Variants in MAP2K5 observed in about 807,000 individuals in gnomAD.
The protein encoded by MAP2K5 is dual specificity mitogen-activated protein kinase kinase 5.
MAP2K5 carries 49 observed loss-of-function variants against 83.1 expected under a neutral mutation model. The observed-to-expected ratio is 0.59, with a 90% CI of 0.47 to 0.75. The LOEUF is 0.75. Ranked by LOEUF, MAP2K5 falls within the 30% of genes least tolerant of loss-of-function variation. The probability of loss-of-function intolerance (pLI) is 0.00; values close to 1 mark genes in which losing one functional copy is unlikely to be tolerated. For synonymous variants in MAP2K5, 202 were observed against 191.8 expected, an observed-to-expected ratio of 1.05 and a Z score of -0.44; for missense variants, 457 against 557.5, an observed-to-expected ratio of 0.82 and a Z score of 1.82.
intron 21 of MAP2K5, among the ~76,000 whole-genome samples, chr15:67,787,345 G>A (rs1291229084): frequency 1.3e-5 from 2 of 152,180 alleles, no homozygotes; most frequent in Non-Finnish European, 2.9e-5. Flanking sequence ...TCTTTTCTGT[G>A]TCCTTTCTGT....
intron 8 of MAP2K5, among the ~76,000 whole-genome samples, chr15:67,620,675 G>A (rs1224584250): frequency 6.6e-6 from 1 of 152,116 alleles, no homozygotes; most frequent in Non-Finnish European, 1.5e-5. Flanking sequence ...AAAAAGACTG[G>A]AGAAAATAAT....
In MAP2K5 at chr15:67,543,712, C is replaced by G. The variant is rs2084340592; in HGVS notation, c.135+242C>G. Among the ~76,000 whole-genome samples the G allele has an allele frequency of 6.6e-6, 1 of 152,130 alleles. No individual in the cohort carries two copies. The highest frequency in any genetic ancestry group is 2.1e-4 in the South Asian group (1 of 4,826). ...CCCCTGCCCTCAGAGAGCTCATGGC[C>G]CGGGCTGGGACACACATATAGACAC... On this transcript the variant is annotated intron_variant, in intron 1 of 21. Coordinates refer to ENST00000178640, the MANE Select transcript of MAP2K5 (RefSeq NM_145160.3). This position sits in a 1 kb window ranked among gnomAD's most constrained non-coding sequence, Gnocchi z 4.3.
At chr15:67,791,671 G>A (rs1172849592) in intron 21 of MAP2K5, among the ~76,000 whole-genome samples, 1 of 152,126 alleles carries the variant, frequency 6.6e-6, no homozygotes, top group Non-Finnish European at 1.5e-5. Context: ...ACAAATTGAG[G>A]GAAGTAACAG....
intron 21 of MAP2K5, among the ~76,000 whole-genome samples, chr15:67,804,472 C>T (rs540277443): frequency 3.2e-4 from 48 of 152,296 alleles, no homozygotes; most frequent in African/African-American, 9.9e-4. Context: ...CAGGAGAGGC[C>T]GGCATCTCCA....
chr15:67,744,103 C>T (rs1351530288), intron 17 of MAP2K5, among the ~76,000 whole-genome samples: 1 of 152,188 alleles, frequency 6.6e-6, no homozygotes, highest in Non-Finnish European at 1.5e-5. Context: ...CTCTGGGGTT[C>T]CTTCCTTTCA....
intron 16 of MAP2K5, among the ~76,000 whole-genome samples, chr15:67,721,683 A>T (rs999722630): frequency 4.6e-5 from 7 of 152,214 alleles, no homozygotes; most frequent in Admixed American, 6.5e-5. Flanking sequence ...CCATTGGGCC[A>T]TAATTCTGTT....
At chr15:67,762,942 C>T (rs1008864216) in intron 19 of MAP2K5, among the ~76,000 whole-genome samples, 2 of 152,136 alleles carry the variant, frequency 1.3e-5, no homozygotes, top group African/African-American at 4.8e-5. Flanking sequence ...CAGCCCAGAC[C>T]CAGTGGACAG....
At chr15:67,771,352 T>C (rs117825623) in intron 20 of MAP2K5, among the ~76,000 whole-genome samples, 1,729 of 152,328 alleles carry the variant, frequency 0.011, 18 homozygotes, top group Non-Finnish European at 0.015. Flanking sequence ...GCTAATCTTA[T>C]CTCGCTGTGT....
At chr15:67,658,437 C>G (rs2087143688) in intron 11 of MAP2K5, 116 bp from the exon 12 acceptor site, 1 of 760,806 alleles carries the variant, frequency 1.3e-6, no homozygotes, top group Non-Finnish European at 2.3e-6. Flanking sequence ...TACTACACAT[C>G]CAATGCATGC....
At chr15:67,593,889 A>C (rs1338321629) in intron 7 of MAP2K5, among the ~76,000 whole-genome samples, 2 of 152,212 alleles carry the variant, frequency 1.3e-5, no homozygotes, top group African/African-American at 4.8e-5. Flanking sequence ...GCATTTCATG[A>C]ATCAAGTACT....
chr15:67,769,916 T>C lies in MAP2K5; in HGVS notation c.1196+253T>C. On this transcript the variant is annotated intron_variant, in intron 20 of 21. Transcript: ENST00000178640. This position sits in a 1 kb window ranked among gnomAD's most constrained non-coding sequence, Gnocchi z 5.2. ...AAACTGCTGAAAGTCATGATACTTC[T>C]TTAAGCACAAATACTGTTGCCATCC... The C allele has an allele frequency of 2.6e-6, 1 of 382,566 alleles. No individual in the cohort carries two copies. Among genetic ancestry groups the C allele is most frequent in the East Asian group, 4.5e-5 (1 of 22,450 alleles). The allele number at this position is 382,566 out of a possible 1,614,324, so 23.7% of individuals were successfully genotyped here. A position where few individuals can be genotyped will look rare whatever the true frequency, so the allele number is the denominator to read the frequency against.
chr15:67,543,565 A>C lies in MAP2K5; in HGVS notation c.135+95A>C. 3.5e-6 allele frequency: 5 copies of C among 1,429,452 alleles called. No individual in the cohort carries two copies. The highest frequency in any genetic ancestry group is 4.9e-6 in the Non-Finnish European group (5 of 1,025,642). 88.5% of individuals were successfully genotyped at this position (1,429,452 alleles called of 1,614,324 possible). The stretch of plus-strand genomic sequence containing the variant: ...CCACTGGTGACCTGAGCCAGTGGCA[A>C]TGGCTACTGCTGGCTTCCTGTGGAG... On this transcript the variant is annotated intron_variant, in intron 1 of 21. Transcript: ENST00000178640. This position sits in a 1 kb window ranked among gnomAD's most constrained non-coding sequence, Gnocchi z 4.3.
In MAP2K5 at chr15:67,769,349, T is replaced by C. The variant is rs1347156122; in HGVS notation, c.1135-253T>C. ...CCTACCTTCTCTCCTACCCTGTGGC[T>C]ATCATTGTCCTTTTTTCACCTCCCC... On this transcript the variant is annotated intron_variant, in intron 19 of 21. Coordinates refer to ENST00000178640, the MANE Select transcript of MAP2K5 (RefSeq NM_145160.3). The surrounding 1 kb of genome is among the most constrained non-coding windows in gnomAD (Gnocchi z 5.2). Among the ~76,000 whole-genome samples, 1 of 152,236 alleles carries C rather than the reference T, an allele frequency of 6.6e-6. No homozygotes were observed. Among genetic ancestry groups the C allele is most frequent in the African/African-American group, 2.4e-5 (1 of 41,472 alleles).
chr15:67,549,395 TAAG>T (rs1234617494), intron 1 of MAP2K5, among the ~76,000 whole-genome samples: 1 of 152,228 alleles, frequency 6.6e-6, no homozygotes, highest in African/African-American at 2.4e-5. Context: ...TAAAGGTTGA[TAAG>T]AACTGTTTGT....
At chr15:67,604,691 T>C (rs1482763679) in intron 8 of MAP2K5, among the ~76,000 whole-genome samples, 1 of 151,954 alleles carries the variant, frequency 6.6e-6, no homozygotes, top group Non-Finnish European at 1.5e-5. Context: ...GGTCAAGAGA[T>C]TGAGACCATC....
chr15:67,749,571 C>T lies in MAP2K5; in HGVS notation c.1134+970C>T, dbSNP rs2089675313. ...TTTGGGAGAAAAAATAAAGATCCTC[C>T]TAGGAAAAAAATAAACACACACACA... On this transcript the variant is annotated intron_variant, in intron 19 of 21. Transcript: ENST00000178640. This position sits in a 1 kb window ranked among gnomAD's most constrained non-coding sequence, Gnocchi z 4.6. 6.6e-6 allele frequency among the ~76,000 whole-genome samples: 1 copy of T among 151,944 alleles called. No individual in the cohort carries two copies. Among genetic ancestry groups the T allele is most frequent in the African/African-American group, 2.4e-5 (1 of 41,366 alleles).
rs528937261 is a variant in MAP2K5, at chr15:67,779,138, G to A, written c.1242+6386G>A. On this transcript the variant is annotated intron_variant, in intron 21 of 21. Coordinates refer to ENST00000178640, the MANE Select transcript of MAP2K5 (RefSeq NM_145160.3). This position sits in a 1 kb window ranked among gnomAD's most constrained non-coding sequence, Gnocchi z 4.6. Reference sequence around the variant, plus strand: ...TGGCTGGGATTGTAACTTCAGCTGAGTATTTCCATCATGCACAAAAGTCAT... The same window carrying A: ...TGGCTGGGATTGTAACTTCAGCTGAATATTTCCATCATGCACAAAAGTCAT... Among the ~76,000 whole-genome samples the A allele has an allele frequency of 1.1e-3, 164 of 152,290 alleles. No individual in the cohort carries two copies. The highest frequency in any genetic ancestry group is 3.8e-3 in the African/African-American group (159 of 41,554).
At chr15:67,585,618 T>C (rs2085271752) in intron 4 of MAP2K5, 2 of 407,402 alleles carry the variant, frequency 4.9e-6, no homozygotes, top group Non-Finnish European at 9.1e-6. Context: ...AATCTAATCA[T>C]TTTAGCTCAG....
chr15:67,582,352 G>T (rs1006085061), intron 4 of MAP2K5, among the ~76,000 whole-genome samples: 1 of 152,048 alleles, frequency 6.6e-6, no homozygotes, highest in African/African-American at 2.4e-5. Flanking sequence ...GAGCCACCAC[G>T]CCCAGCCAGG....
Sources: allele counts gnomAD v4.1 joint callset (sites outside exome capture counted in the v4.1 genomes callset), GRCh38; gene constraint gnomAD v4.1.1; non-coding constraint Gnocchi (gnomAD v3.1); transcripts MANE v1.5; gene names NCBI Gene and HGNC (gene_info 2026-07-23, HGNC 2026-07-21).